The following CDK14 variants were observed in gnomAD, a reference collection of about 807,000 sequenced individuals.
The protein encoded by CDK14 is cyclin dependent kinase 14, also known as cyclin-dependent kinase 14.
Under a neutral mutation model 60.7 loss-of-function variants are expected in CDK14, and 34 were observed. That is an observed-to-expected ratio of 0.56 (90% CI 0.43 to 0.75). The LOEUF is 0.75. Among genes scored for constraint, CDK14 ranks in the 30% least tolerant of loss-of-function variants. The pLI is 0.00. For synonymous variants in CDK14, 197 were observed against 203.7 expected, an observed-to-expected ratio of 0.97 and a Z score of 0.28; for missense variants, 482 against 564.1, an observed-to-expected ratio of 0.85 and a Z score of 1.47.
At chr7:91,140,117 G>A (rs1162205919) in intron 14 of CDK14, among the ~76,000 whole-genome samples, 3 of 152,112 alleles carry the variant, frequency 2.0e-5, no homozygotes, top group South Asian at 2.1e-4. Context: ...ATGGTGACAC[G>A]AGTGAGAAGG....
chr7:90,601,446 A>G (rs987487653), intron 1 of CDK14, among the ~76,000 whole-genome samples: 1 of 152,216 alleles, frequency 6.6e-6, no homozygotes, highest in African/African-American at 2.4e-5. Flanking sequence ...TCAGTCTAGC[A>G]GTGAATGACT....
intron 2 of CDK14, among the ~76,000 whole-genome samples, chr7:90,615,098 G>A (rs1799623191): frequency 6.6e-6 from 1 of 151,990 alleles, no homozygotes; most frequent in Admixed American, 6.6e-5. Flanking sequence ...TGATAATGAT[G>A]AATCTTATGT....
intron 2 of CDK14, among the ~76,000 whole-genome samples, chr7:90,706,211 A>G (rs910713980): frequency 1.7e-4 from 26 of 152,182 alleles, no homozygotes; most frequent in African/African-American, 6.3e-4. Flanking sequence ...TCTTAACACC[A>G]TAGATTGTGA....
chr7:91,176,839 T>C (rs1035277053), intron 14 of CDK14, among the ~76,000 whole-genome samples: 4 of 151,892 alleles, frequency 2.6e-5, no homozygotes, highest in Non-Finnish European at 5.9e-5. Context: ...CCAAAAAGGG[T>C]CCAGGACCAG....
intron 14 of CDK14, among the ~76,000 whole-genome samples, chr7:91,203,962 G>A (rs1236035172): frequency 1.3e-5 from 2 of 152,148 alleles, no homozygotes; most frequent in Admixed American, 6.6e-5. Context: ...GGGTAGGCTG[G>A]GGACAAAGGA....
chr7:90,843,062 G>T (rs1790351123), intron 5 of CDK14, among the ~76,000 whole-genome samples: 1 of 152,078 alleles, frequency 6.6e-6, no homozygotes, highest in Non-Finnish European at 1.5e-5. Flanking sequence ...TATTTACCTT[G>T]CTTGATGTAG....
chr7:90,893,540 A>G (rs1792204510), intron 6 of CDK14, among the ~76,000 whole-genome samples: 1 of 152,262 alleles, frequency 6.6e-6, no homozygotes, highest in African/African-American at 2.4e-5. Flanking sequence ...GCCTTTTGGC[A>G]TCATTCTTAA....
At chr7:90,728,559 A>G (rs898444866) in intron 3 of CDK14, among the ~76,000 whole-genome samples, 1 of 151,674 alleles carries the variant, frequency 6.6e-6, no homozygotes, top group Non-Finnish European at 1.5e-5. Flanking sequence ...ATAACATATC[A>G]CTTCATATGT....
intron 10 of CDK14, among the ~76,000 whole-genome samples, chr7:91,013,509 G>A (rs992457744): frequency 2.6e-5 from 4 of 152,126 alleles, no homozygotes; most frequent in Middle Eastern, 3.2e-3. Context: ...ATTTTCCACA[G>A]GGAGCTTTTT....
rs1802940494 is a variant in CDK14, at chr7:91,207,534, T to A, written c.*398T>A. 6.5e-6 allele frequency: 1 copy of A among 152,674 alleles called. No homozygotes were observed. The highest frequency in any genetic ancestry group is 1.9e-4 in the East Asian group (1 of 5,206). 9.5% of individuals were successfully genotyped at this position (152,674 alleles called of 1,614,324 possible). A position where few individuals can be genotyped will look rare whatever the true frequency, so the allele number is the denominator to read the frequency against. ...AAGACAACACATTTGGTGTTCACAC[T>A]TCTTCAGTAATGTCTGAACTTGAAA... On this transcript the variant is annotated 3_prime_UTR_variant, in exon 15 of 15. Transcript: ENST00000380050.
intron 14 of CDK14, among the ~76,000 whole-genome samples, chr7:91,142,715 A>G (rs1800505312): frequency 1.3e-5 from 2 of 152,250 alleles, no homozygotes; most frequent in Admixed American, 6.5e-5. Flanking sequence ...GGTTTATTCC[A>G]TAGCATATAA....
At chr7:90,814,826 T>C (rs533479441) in intron 5 of CDK14, among the ~76,000 whole-genome samples, 1 of 152,258 alleles carries the variant, frequency 6.6e-6, no homozygotes, top group South Asian at 2.1e-4. Context: ...AGGAAGCTGA[T>C]TGTAAATGGC....
At chr7:91,064,358 C>CT (rs1419968010) in intron 11 of CDK14, among the ~76,000 whole-genome samples, 11 of 152,172 alleles carry the variant, frequency 7.2e-5, no homozygotes, top group Non-Finnish European at 1.2e-4. Context: ...TCTACACTGT[C>CT]TAAGTTCACA....
intron 3 of CDK14, among the ~76,000 whole-genome samples, chr7:90,743,458 T>G (rs1289517640): frequency 6.6e-6 from 1 of 152,176 alleles, no homozygotes; most frequent in East Asian, 1.9e-4. Context: ...TTTTTTTTGG[T>G]GAATTTTAGA....
intron 8 of CDK14, among the ~76,000 whole-genome samples, chr7:90,949,911 G>A (rs2374374): frequency 0.83 from 125,920 of 152,016 alleles, 52,305 homozygotes; most frequent in East Asian, 0.95. Flanking sequence ...TGTCCTCAGG[G>A]CGCCCAATTT....
chr7:90,731,281 T>C (rs1802855809), intron 3 of CDK14, among the ~76,000 whole-genome samples: 1 of 152,202 alleles, frequency 6.6e-6, no homozygotes, highest in Admixed American at 6.5e-5. Flanking sequence ...TGAAGTCAGG[T>C]AGTGTGATGC....
At chr7:90,931,313 T>G (rs938121772) in intron 8 of CDK14, among the ~76,000 whole-genome samples, 2 of 152,208 alleles carry the variant, frequency 1.3e-5, no homozygotes, top group Admixed American at 6.5e-5. Flanking sequence ...TAAAGGGCTA[T>G]CTGTAAATTG....
chr7:90,734,012 A>G (rs1361010075), intron 3 of CDK14, among the ~76,000 whole-genome samples: 1 of 152,190 alleles, frequency 6.6e-6, no homozygotes, highest in Non-Finnish European at 1.5e-5. Context: ...TGGTGGTGAC[A>G]GTGTCTCTCA....
At chr7:90,992,901 G>A (rs1459445973) in intron 10 of CDK14, among the ~76,000 whole-genome samples, 1 of 152,170 alleles carries the variant, frequency 6.6e-6, no homozygotes. Flanking sequence ...GGAGTTTGAA[G>A]TACAACTGAA....
Sources: gnomAD v4.1 joint callset for allele counts (sites outside exome capture counted in the v4.1 genomes callset) on GRCh38, gnomAD v4.1.1 for gene constraint, MANE v1.5 for transcripts, NCBI Gene and HGNC (gene_info 2026-07-23, HGNC 2026-07-21) for gene names.